Variants in PGAP4 observed in about 807,000 individuals in gnomAD.
The protein encoded by PGAP4 is GPI-N-acetylgalactosamine transferase PGAP4.
In PGAP4, 12 loss-of-function variants were observed where a neutral mutation model predicts 28.2. The observed-to-expected ratio is 0.42, with a 90% confidence interval of 0.27 to 0.69. The LOEUF (loss-of-function observed/expected upper bound fraction) is 0.69, where lower values mean the gene tolerates loss of function less well. PGAP4 is among the 30% of genes least tolerant of loss of function. The pLI is 0.22. For missense variants in PGAP4, 425 were observed against 513.5 expected (o/e 0.83, Z 1.67); for synonymous variants, 205 against 211.8 (o/e 0.97, Z 0.28).
chr9:101,496,950 A>T (rs1826757395), intron 2 of PGAP4, among the ~76,000 whole-genome samples: 1 of 150,602 alleles, frequency 6.6e-6, no homozygotes, highest in Non-Finnish European at 1.5e-5. Flanking sequence ...TTAATATTAA[A>T]AACTATTTGT....
chr9:101,492,124 GT>G (rs1826694913), upstream of PGAP4, among the ~76,000 whole-genome samples: 2 of 151,424 alleles, frequency 1.3e-5, no homozygotes, highest in East Asian at 3.9e-4. Flanking sequence ...TGTTTCATAT[GT>G]TTTTTGCTTT....
intron 2 of PGAP4, among the ~76,000 whole-genome samples, chr9:101,505,447 G>C (rs1191986166): frequency 6.6e-6 from 1 of 152,000 alleles, no homozygotes; most frequent in African/African-American, 2.4e-5. Flanking sequence ...GAAAATACAA[G>C]CTATATCCCA....
chr9:101,479,400 C>G (rs1203159022), intron 1 of PGAP4, among the ~76,000 whole-genome samples: 3 of 152,174 alleles, frequency 2.0e-5, no homozygotes, highest in African/African-American at 7.2e-5. Flanking sequence ...GAGGAGGGAA[C>G]TAGAGACAAT....
At chr9:101,499,339 A>G (rs1456837583) in intron 2 of PGAP4, among the ~76,000 whole-genome samples, 3 of 151,936 alleles carry the variant, frequency 2.0e-5, no homozygotes, top group Non-Finnish European at 2.9e-5. Flanking sequence ...ATTTCTTCCA[A>G]TAGTGACCTT....
intron 1 of PGAP4, among the ~76,000 whole-genome samples, chr9:101,485,390 G>A (rs1826589090): frequency 6.6e-6 from 1 of 151,994 alleles, no homozygotes; most frequent in South Asian, 2.1e-4. Flanking sequence ...ATAAAAAATT[G>A]ACCAAAGTAT....
chr9:101,476,552 T>C lies in PGAP4; in HGVS notation c.541A>G (p.Thr181Ala). 6.2e-7 allele frequency: 1 copy of C among 1,614,152 alleles called. No homozygotes were observed. The highest frequency in any genetic ancestry group is 8.5e-7 in the Non-Finnish European group (1 of 1,180,028). The change falls in exon 2 of 2, where the codon ACC (threonine) becomes GCC (alanine). Residue 181 changes from threonine to alanine, a missense_variant. By Grantham distance (58) the Thr-to-Ala change is moderately conservative. Transcript: ENST00000374848. The surrounding 1 kb of genome is among the most constrained non-coding windows in gnomAD (Gnocchi z 7.0). ...TEDDYGDDPS[T>A]NSFEKEKQDY... ...TGCTTCTCTTTCTCAAACGAGTTGG[T>C]CGAAGGGTCATCACCATAATCATCC...
chr9:101,473,481 GA>G lies in PGAP4; in HGVS notation c.*2399del, dbSNP rs1826210768. On this transcript the variant is annotated 3_prime_UTR_variant, in exon 2 of 2. Transcript: ENST00000374848. ...AAGGGATTAAATGGAGGAAGATCTAGAAGTGGGTGGGAACAAAAGAGCAGAA... is the reference window on the plus strand; with the variant it reads ...AAGGGATTAAATGGAGGAAGATCTAGAGTGGGTGGGAACAAAAGAGCAGAA... The G allele has an allele frequency of 6.6e-6, 1 of 152,230 alleles. No individual in the cohort carries two copies. Among genetic ancestry groups the G allele is most frequent in the Admixed American group, 6.5e-5 (1 of 15,294 alleles). 9.4% of individuals were successfully genotyped at this position (152,230 alleles called of 1,614,324 possible).
At chr9:101,520,262 T>G (rs1200859180) in intron 2 of PGAP4, among the ~76,000 whole-genome samples, 1 of 152,172 alleles carries the variant, frequency 6.6e-6, no homozygotes, top group African/African-American at 2.4e-5. Flanking sequence ...GATGGTGTTA[T>G]TTTGATAAGG....
intron 1 of PGAP4, among the ~76,000 whole-genome samples, chr9:101,478,424 G>C (rs1370672477): frequency 6.6e-6 from 1 of 152,204 alleles, no homozygotes; most frequent in African/African-American, 2.4e-5. Context: ...GAGGAAAACT[G>C]TATAGTTTGT....
upstream of PGAP4, among the ~76,000 whole-genome samples, chr9:101,488,294 A>G (rs551277791): frequency 1.3e-5 from 2 of 152,350 alleles, no homozygotes; most frequent in Admixed American, 1.3e-4. Context: ...AGCTGGATAT[A>G]GCACAGAAAG....
intron 2 of PGAP4, among the ~76,000 whole-genome samples, chr9:101,495,886 C>T (rs1394222765): frequency 1.3e-5 from 2 of 150,932 alleles, no homozygotes; most frequent in Non-Finnish European, 3.0e-5. Flanking sequence ...AGTGTGATTA[C>T]GTTTCCTTAT....
At chr9:101,479,292 T>C (rs1312853916) in intron 1 of PGAP4, among the ~76,000 whole-genome samples, 1 of 152,264 alleles carries the variant, frequency 6.6e-6, no homozygotes, top group Non-Finnish European at 1.5e-5. Flanking sequence ...CTCCCACTCC[T>C]GCAGTATTGG....
At chr9:101,513,677 G>C (rs763824116) in intron 2 of PGAP4, among the ~76,000 whole-genome samples, 21 of 148,354 alleles carry the variant, frequency 1.4e-4, no homozygotes, top group Non-Finnish European at 2.7e-4. Context: ...TGGATGGATG[G>C]ACAGATAGGT....
chr9:101,499,973 T>C (rs919837051), intron 2 of PGAP4, among the ~76,000 whole-genome samples: 1 of 151,844 alleles, frequency 6.6e-6, no homozygotes. Context: ...AATATTAATA[T>C]AATATATTAT....
intron 2 of PGAP4, among the ~76,000 whole-genome samples, chr9:101,509,274 G>A (rs140429322): frequency 1.3e-5 from 2 of 152,134 alleles, no homozygotes; most frequent in Non-Finnish European, 2.9e-5. Flanking sequence ...TTTGAAACAT[G>A]TCAGAAATCC....
intron 1 of PGAP4, among the ~76,000 whole-genome samples, chr9:101,483,830 A>G (rs1417325997): frequency 1.3e-5 from 2 of 152,322 alleles, no homozygotes; most frequent in East Asian, 1.9e-4. Flanking sequence ...CACACATACT[A>G]CAAAATTCTA....
intron 2 of PGAP4, chr9:101,501,824 C>A: frequency 4.0e-6 from 2 of 501,478 alleles, no homozygotes; most frequent in African/African-American, 1.9e-5. Context: ...ACCTCCAGCT[C>A]CAGTAAATAC....
chr9:101,526,554 A>T (rs1827037421), intron 2 of PGAP4, among the ~76,000 whole-genome samples: 2 of 152,098 alleles, frequency 1.3e-5, no homozygotes, highest in South Asian at 4.1e-4. Flanking sequence ...GGTTCAAGTG[A>T]TTCTCCTGCC....
At chr9:101,500,597 T>G (rs1361786787) in intron 2 of PGAP4, among the ~76,000 whole-genome samples, 5 of 152,084 alleles carry the variant, frequency 3.3e-5, no homozygotes, top group African/African-American at 1.2e-4. Context: ...TAGATATCTT[T>G]GGGGGTCATT....
Sources: allele counts gnomAD v4.1 joint callset (sites outside exome capture counted in the v4.1 genomes callset), GRCh38; gene constraint gnomAD v4.1.1; non-coding constraint Gnocchi (gnomAD v3.1); transcripts MANE v1.5; gene names NCBI Gene and HGNC (gene_info 2026-07-23, HGNC 2026-07-21).